The following DCC variants were observed in gnomAD, a reference collection of about 807,000 sequenced individuals.
The protein encoded by DCC is DCC netrin 1 receptor, also known as netrin receptor DCC.
DCC carries 58 observed loss-of-function variants against 172.5 expected under a neutral mutation model. The ratio of observed to expected loss-of-function variants is 0.34; its 90% CI spans 0.27 to 0.42. The LOEUF is 0.42. DCC is among the 10% of genes least tolerant of loss of function. The pLI, the probability that DCC is intolerant of heterozygous loss-of-function variation, is 1.00. For synonymous variants in DCC, 709 were observed against 644.5 expected (o/e 1.10, Z -1.52); for missense variants, 1,740 against 1,791.0 (o/e 0.97, Z 0.51).
At chr18:53,025,093 C>G (rs2041938003) in intron 5 of DCC, among the ~76,000 whole-genome samples, 1 of 152,030 alleles carries the variant, frequency 6.6e-6, no homozygotes, top group Non-Finnish European at 1.5e-5. Context: ...AAGCTTTAAT[C>G]TATGACCCAT....
rs917470800 is a variant in DCC at position 53,103,573 on chromosome 18, A to G, written c.1261+37407A>G. Among the ~76,000 whole-genome samples, 37 of 151,954 alleles carry G rather than the reference A, an allele frequency of 2.4e-4. 1 individual carries two copies. The highest frequency in any genetic ancestry group is 7.7e-4 in the African/African-American group (32 of 41,384). Reference sequence around the variant, plus strand: ...TCATCCATGATTAAAATAATGTGCTATGACTCTCAATGAAAATTTAAAGCC... The same window carrying G: ...TCATCCATGATTAAAATAATGTGCTGTGACTCTCAATGAAAATTTAAAGCC... On this transcript the variant is annotated intron_variant, in intron 7 of 28. Coordinates refer to ENST00000442544, the MANE Select transcript of DCC (RefSeq NM_005215.4).
chr18:52,917,153 A>G (rs2040054928), intron 3 of DCC, among the ~76,000 whole-genome samples: 1 of 148,362 alleles, frequency 6.7e-6, no homozygotes, highest in Non-Finnish European at 1.5e-5. Context: ...AAAAAAAACA[A>G]GAAAAAAATA....
At chr18:53,269,877 C>G (rs1332688006) in intron 12 of DCC, among the ~76,000 whole-genome samples, 1 of 152,082 alleles carries the variant, frequency 6.6e-6, no homozygotes, top group Non-Finnish European at 1.5e-5. Context: ...TAGAGGTGAG[C>G]CCCCTAGAGT....
chr18:53,032,266 G>T (rs1342329652), intron 5 of DCC, among the ~76,000 whole-genome samples: 1 of 151,990 alleles, frequency 6.6e-6, no homozygotes, highest in Non-Finnish European at 1.5e-5. Flanking sequence ...GTCTTATTTG[G>T]GAGGAAAAAG....
chr18:53,298,613 A>C (rs2057097543), intron 12 of DCC, among the ~76,000 whole-genome samples: 1 of 151,012 alleles, frequency 6.6e-6, no homozygotes, highest in Non-Finnish European at 1.5e-5. Flanking sequence ...GGAAATTAAA[A>C]GGTTCTAATT....
intron 5 of DCC, among the ~76,000 whole-genome samples, chr18:53,028,566 T>C (rs1448726046): frequency 1.3e-5 from 2 of 152,200 alleles, no homozygotes; most frequent in Non-Finnish European, 2.9e-5. Context: ...TTATTCTAAT[T>C]CAGGCTAGTT....
At chr18:53,222,666 G>A (rs548656096) in intron 12 of DCC, among the ~76,000 whole-genome samples, 1 of 146,494 alleles carries the variant, frequency 6.8e-6, no homozygotes, top group Non-Finnish European at 1.5e-5. Context: ...GATTACAGGC[G>A]TGAACCACCA....
At position 53,322,245 on chromosome 18, in the gene DCC, A is replaced by G. The variant is rs923737873; in HGVS notation, c.2164+88A>G. The G allele has an allele frequency of 1.8e-5, 14 of 763,970 alleles. No individual in the cohort carries two copies. In the Admixed American group the frequency reaches 2.1e-4, roughly 11 times the overall value. 47.3% of individuals were successfully genotyped at this position (763,970 alleles called of 1,614,324 possible). ...TCTCTTAAAAAAGGAATGAACTCCAACTTTGGGGACATTGATTCTTACTAT... is the reference window on the plus strand; with the variant it reads ...TCTCTTAAAAAAGGAATGAACTCCAGCTTTGGGGACATTGATTCTTACTAT... On this transcript the variant is annotated intron_variant, in intron 14 of 28. Transcript: ENST00000442544.
chr18:52,371,773 A>G (rs1985133472), intron 1 of DCC, among the ~76,000 whole-genome samples: 1 of 152,210 alleles, frequency 6.6e-6, no homozygotes. Flanking sequence ...TAGTTTCCTC[A>G]TAGCATTATA....
chr18:52,903,407 A>G (rs932166230), intron 2 of DCC, among the ~76,000 whole-genome samples: 4 of 151,878 alleles, frequency 2.6e-5, no homozygotes, highest in African/African-American at 9.7e-5. Flanking sequence ...GCGTTTCATC[A>G]TGTTGCCCAG....
intron 1 of DCC, among the ~76,000 whole-genome samples, chr18:52,478,582 T>TGCACA (rs760430961): frequency 3.5e-4 from 54 of 152,342 alleles, no homozygotes; most frequent in East Asian, 1.5e-3. Flanking sequence ...CTCATGAATC[T>TGCACA]GCAGGCTGTA....
At chr18:52,374,603 ACTGG>A (rs1985268184) in intron 1 of DCC, among the ~76,000 whole-genome samples, 1 of 152,264 alleles carries the variant, frequency 6.6e-6, no homozygotes, top group Non-Finnish European at 1.5e-5. Flanking sequence ...CCAACATTAG[ACTGG>A]CTGGAATAGG....
At chr18:53,195,515 C>T (rs189644865) in intron 9 of DCC, among the ~76,000 whole-genome samples, 118 of 152,146 alleles carry the variant, frequency 7.8e-4, no homozygotes, top group African/African-American at 2.5e-3. Flanking sequence ...ATGAAATGTG[C>T]GATCATTAAT....
At chr18:52,656,691 A>G (rs1414340346) in intron 1 of DCC, among the ~76,000 whole-genome samples, 5 of 152,180 alleles carry the variant, frequency 3.3e-5, no homozygotes, top group Non-Finnish European at 7.4e-5. Context: ...TCTTTTGGGT[A>G]AGATCATAGT....
intron 5 of DCC, among the ~76,000 whole-genome samples, chr18:52,956,821 T>A (rs1414830870): frequency 6.6e-6 from 1 of 152,150 alleles, no homozygotes; most frequent in African/African-American, 2.4e-5. Context: ...TTTGTAAACA[T>A]GTTTTAATTA....
At chr18:53,509,008 G>A (rs533460565) in intron 27 of DCC, among the ~76,000 whole-genome samples, 7 of 152,234 alleles carry the variant, frequency 4.6e-5, no homozygotes, top group Non-Finnish European at 8.8e-5. Flanking sequence ...TCACTACCTG[G>A]CTTCTTCTCT....
chr18:53,077,318 G>A (rs2042737298), intron 7 of DCC, among the ~76,000 whole-genome samples: 2 of 151,966 alleles, frequency 1.3e-5, no homozygotes, highest in Non-Finnish European at 2.9e-5. Flanking sequence ...ACTTTCTTTT[G>A]GGGCTATCCC....
chr18:53,101,864 T>C (rs771362003), intron 7 of DCC, among the ~76,000 whole-genome samples: 23 of 151,758 alleles, frequency 1.5e-4, no homozygotes, highest in Non-Finnish European at 2.7e-4. Flanking sequence ...AGTGTTGACA[T>C]TGATTTCTCT....
At chr18:53,300,535 T>C (rs1032745707) in intron 12 of DCC, among the ~76,000 whole-genome samples, 3 of 152,144 alleles carry the variant, frequency 2.0e-5, no homozygotes, top group African/African-American at 7.2e-5. Flanking sequence ...GCATTAAAGT[T>C]CAAAGTTAAA....
Sources: allele counts gnomAD v4.1 joint callset (sites outside exome capture counted in the v4.1 genomes callset), GRCh38; gene constraint gnomAD v4.1.1; transcripts MANE v1.5; gene names NCBI Gene and HGNC (gene_info 2026-07-23, HGNC 2026-07-21).